Variants in R3HDM1 observed in about 807,000 individuals in gnomAD.
The protein encoded by R3HDM1 is R3H domain-containing protein 1.
A neutral mutation model predicts 141.1 loss-of-function variants in R3HDM1; 46 were observed. The ratio of observed to expected loss-of-function variants is 0.33; its 90% confidence interval spans 0.26 to 0.42. The LOEUF is 0.42. Ranked by LOEUF, R3HDM1 falls within the 10% of genes least tolerant of loss-of-function variation. The pLI is 1.00. For missense variants in R3HDM1, 1,184 were observed against 1,368.3 expected (o/e 0.87, Z 2.12); for synonymous variants, 435 against 472.9 (o/e 0.92, Z 1.04).
At chr2:135,604,710 C>G in intron 2 of R3HDM1, 96 bp from the exon 3 acceptor site, 1 of 949,868 alleles carries the variant, frequency 1.1e-6, no homozygotes, top group South Asian at 1.5e-5. Flanking sequence ...TGTCTATATT[C>G]AACATTATTT....
chr2:135,546,276 C>T (rs1201335054), intron 1 of R3HDM1, among the ~76,000 whole-genome samples: 1 of 152,028 alleles, frequency 6.6e-6, no homozygotes, highest in South Asian at 2.1e-4. Flanking sequence ...GAGAGGAAAT[C>T]GACCTGGTCC....
intron 1 of R3HDM1, among the ~76,000 whole-genome samples, chr2:135,544,758 T>G (rs771079630): frequency 3.3e-5 from 5 of 152,024 alleles, no homozygotes; most frequent in Non-Finnish European, 5.9e-5. Flanking sequence ...GCCAGGAGCT[T>G]GAGACCAGCT....
At chr2:135,596,373 T>C (rs1014267560) in intron 1 of R3HDM1, among the ~76,000 whole-genome samples, 2 of 152,206 alleles carry the variant, frequency 1.3e-5, no homozygotes, top group Admixed American at 1.3e-4. Flanking sequence ...AGGACATTTT[T>C]AATGAAAAAT....
chr2:135,600,888 C>G (rs1277480972), intron 1 of R3HDM1, among the ~76,000 whole-genome samples: 1 of 152,150 alleles, frequency 6.6e-6, no homozygotes, highest in Non-Finnish European at 1.5e-5. Flanking sequence ...TTCATGGAAC[C>G]TTGGGATCCT....
At chr2:135,622,574 A>C in intron 6 of R3HDM1, 80 bp from the exon 7 acceptor site, 1 of 1,468,184 alleles carries the variant, frequency 6.8e-7, no homozygotes, top group Non-Finnish European at 9.0e-7. Context: ...TATTTAAGAT[A>C]TATATACATC....
In R3HDM1 at chr2:135,590,331, G is replaced by A. The variant is rs186503651; in HGVS notation, c.-249-12169G>A. Among the ~76,000 whole-genome samples the A allele has an allele frequency of 4.5e-4, 69 of 152,248 alleles. 2 individuals are homozygous for A. Among genetic ancestry groups the A allele is most frequent in the Admixed American group, 4.5e-3 (69 of 15,274 alleles). On this transcript the variant is annotated intron_variant, in intron 1 of 26. Transcript: ENST00000683871. ...CTTCAGCTTGGGGTCACTAGAGAGAGAGAGCAGAACATTTTTTTATTCCAG... is the reference window on the plus strand; with the variant it reads ...CTTCAGCTTGGGGTCACTAGAGAGAAAGAGCAGAACATTTTTTTATTCCAG...
At chr2:135,673,315 C>T (rs2068679972) in intron 19 of R3HDM1, among the ~76,000 whole-genome samples, 1 of 152,106 alleles carries the variant, frequency 6.6e-6, no homozygotes, top group African/African-American at 2.4e-5. Flanking sequence ...CTATACAGAA[C>T]CCAAATTCTG....
At chr2:135,544,226 G>A (rs1037219699) in intron 1 of R3HDM1, among the ~76,000 whole-genome samples, 1 of 152,138 alleles carries the variant, frequency 6.6e-6, no homozygotes, top group African/African-American at 2.4e-5. Flanking sequence ...CAAATAGTTG[G>A]GAAATGAGAG....
chr2:135,694,141 A>G (rs1408692899), intron 21 of R3HDM1, among the ~76,000 whole-genome samples: 2 of 152,088 alleles, frequency 1.3e-5, no homozygotes, highest in Admixed American at 6.5e-5. Flanking sequence ...ACTTTTCCCA[A>G]TTGTTTTTAA....
chr2:135,602,462 C>A (rs2059702521), intron 1 of R3HDM1, 38 bp from the exon 2 acceptor site: 1 of 1,206,516 alleles, frequency 8.3e-7, no homozygotes. Context: ...TTTCCCTTGG[C>A]CATTTTGTTA....
chr2:135,534,227 T>A (rs1400288290), intron 1 of R3HDM1, among the ~76,000 whole-genome samples: 1 of 152,246 alleles, frequency 6.6e-6, no homozygotes. Context: ...TTAACTATTG[T>A]AATATCTTTT....
intron 21 of R3HDM1, among the ~76,000 whole-genome samples, chr2:135,681,349 C>A (rs1013254247): frequency 2.0e-5 from 3 of 152,180 alleles, no homozygotes; most frequent in Non-Finnish European, 4.4e-5. Context: ...GAAAACAAAT[C>A]TCAAATCCGC....
rs564163824 is a variant in R3HDM1, at chr2:135,573,530, CT to C, written c.-249-28956del. The stretch of plus-strand genomic sequence containing the variant: ...GAAGTCCATCCTAAGTCTGAAAATT[CT>C]TTTTTTTTTTTTTAAGGTTTCCAAA... On this transcript the variant is annotated intron_variant, in intron 1 of 26. Transcript: ENST00000683871. Among the ~76,000 whole-genome samples, 464 of 137,510 alleles carry C rather than the reference CT, an allele frequency of 3.4e-3. 1 individual carries two copies. Among genetic ancestry groups the C allele is most frequent in the Admixed American group, 6.9e-3 (94 of 13,712 alleles). 90.2% of individuals were successfully genotyped at this position (137,510 alleles called of 152,430 possible).
At chr2:135,553,318 TGTTCCTTTTTTATAAA>T (rs1262800383) in intron 1 of R3HDM1, among the ~76,000 whole-genome samples, 4 of 152,218 alleles carry the variant, frequency 2.6e-5, no homozygotes, top group African/African-American at 7.2e-5. Flanking sequence ...TACAACCCTC[TGTTCCTTTTTTATAAA>T]GTGGCATTTG....
intron 18 of R3HDM1, among the ~76,000 whole-genome samples, chr2:135,658,170 GT>G (rs1473241499): frequency 6.6e-6 from 1 of 151,864 alleles, no homozygotes; most frequent in Non-Finnish European, 1.5e-5. Context: ...TTTTTGTTTT[GT>G]TTTTTTCTTT....
Position 135,724,347 on chromosome 2 carries a change from A to G in R3HDM1, c.*55A>G, listed in dbSNP as rs2076992165. Reference sequence around the variant, plus strand: ...GTTCCCCTGCCCTCTCCCATCTTTGATTGGCTTGGTATTTGGAGCTTCTGT... The same window carrying G: ...GTTCCCCTGCCCTCTCCCATCTTTGGTTGGCTTGGTATTTGGAGCTTCTGT... On this transcript the variant is annotated 3_prime_UTR_variant, in exon 27 of 27. Transcript: ENST00000683871. 1 of 1,330,372 alleles carries G rather than the reference A, an allele frequency of 7.5e-7. No individual in the cohort carries two copies. Among genetic ancestry groups the G allele is most frequent in the East Asian group, 2.5e-5 (1 of 40,278 alleles). The allele number at this position is 1,330,372 out of a possible 1,614,324, so 82.4% of individuals were successfully genotyped here.
At chr2:135,586,133 A>G (rs1182733962) in intron 1 of R3HDM1, 1 of 152,248 alleles carries the variant, frequency 6.6e-6, no homozygotes, top group Non-Finnish European at 1.5e-5. Context: ...TTGTGCAACA[A>G]TATTTTAATA....
At chr2:135,596,873 G>A in intron 1 of R3HDM1, 1 of 268,254 alleles carries the variant, frequency 3.7e-6, no homozygotes, top group Non-Finnish European at 5.7e-6. Flanking sequence ...TTTTGTACAT[G>A]TCCCTTTGTA....
Position 135,651,805 on chromosome 2 carries a change from G to A in R3HDM1, c.1801G>A (p.Ala601Thr). ...QPSADGSDPH[A>T]AMFQSTVVLQ... The stretch of plus-strand genomic sequence containing the variant: ...ATCTGCTGATGGTTCTGACCCTCAT[G>A]CCGCCATGTTCCAGTCCACTGTGGT... Residue 601 changes from alanine (A) to threonine (T), a missense_variant, in exon 18 of 27, where the codon GCC becomes ACC. By Grantham distance (58) the Ala-to-Thr change is moderately conservative. Around this residue, in one of 5 missense-constraint regions of R3HDM1, gnomAD observed 563 missense variants for 562.0 expected, o/e 1.00. Transcript: ENST00000683871. The A allele has an allele frequency of 6.2e-7, 1 of 1,614,088 alleles. No homozygotes were observed. The highest frequency in any genetic ancestry group is 8.5e-7 in the Non-Finnish European group (1 of 1,179,994).
Sources: allele counts gnomAD v4.1 joint callset (sites outside exome capture counted in the v4.1 genomes callset), GRCh38; gene constraint gnomAD v4.1.1; regional missense constraint gnomAD v4.1.1; transcripts MANE v1.5; gene names NCBI Gene and HGNC (gene_info 2026-07-23, HGNC 2026-07-21).